TMTC2: variants seen among roughly 807,000 people sequenced by gnomAD.
TMTC2 encodes the protein protein O-mannosyl-transferase TMTC2.
TMTC2 carries 43 observed loss-of-function variants against 82.4 expected under a neutral mutation model. That is an observed-to-expected ratio of 0.52 (90% CI 0.41 to 0.67). The LOEUF is 0.67. Among genes scored for constraint, TMTC2 ranks in the 30% least tolerant of loss-of-function variants. The pLI, the probability that TMTC2 is intolerant of heterozygous loss-of-function variation, is 0.00. For missense variants in TMTC2, 919 were observed against 1,012.4 expected (o/e 0.91, Z 1.25); for synonymous variants, 408 against 381.9 (o/e 1.07, Z -0.80).
intron 4 of TMTC2, among the ~76,000 whole-genome samples, chr12:82,937,771 T>TACATATATAC (rs1565818353): frequency 4.2e-5 from 1 of 24,018 alleles, no homozygotes; most frequent in Non-Finnish European, 9.0e-5. Flanking sequence ...TATATATATA[T>TACATATATAC]ATATATATAT....
intron 8 of TMTC2, among the ~76,000 whole-genome samples, chr12:83,028,338 AT>A (rs957365284): frequency 6.6e-6 from 1 of 152,160 alleles, no homozygotes; most frequent in African/African-American, 2.4e-5. Context: ...AATTAAGACT[AT>A]TTTAAAGTAG....
intron 8 of TMTC2, among the ~76,000 whole-genome samples, chr12:82,991,557 G>C (rs1336295434): frequency 6.6e-6 from 1 of 152,096 alleles, no homozygotes; most frequent in Non-Finnish European, 1.5e-5. Context: ...TTGTATTAGA[G>C]TCATTGTAGC....
intron 1 of TMTC2, among the ~76,000 whole-genome samples, chr12:82,738,374 C>T (rs897960564): frequency 6.6e-6 from 1 of 152,074 alleles, no homozygotes; most frequent in Non-Finnish European, 1.5e-5. Context: ...CTTATTAGGA[C>T]ATTTCTTATT....
At chr12:83,056,579 A>T (rs1252929432) in intron 10 of TMTC2, among the ~76,000 whole-genome samples, 1 of 151,916 alleles carries the variant, frequency 6.6e-6, no homozygotes, top group Non-Finnish European at 1.5e-5. Flanking sequence ...AACAGAATCA[A>T]ATTGTTTTCA....
chr12:82,744,914 A>G (rs1409541630), intron 1 of TMTC2, among the ~76,000 whole-genome samples: 1 of 152,200 alleles, frequency 6.6e-6, no homozygotes, highest in Admixed American at 6.5e-5. Context: ...TTTCAAGTTA[A>G]TGAAACTACT....
At chr12:82,864,496 C>CTTTTTT (rs775559477) in intron 2 of TMTC2, among the ~76,000 whole-genome samples, 7 of 107,818 alleles carry the variant, frequency 6.5e-5, no homozygotes, top group African/African-American at 1.6e-4. Flanking sequence ...ATGTCACATT[C>CTTTTTT]TTTTTTTTTT....
At chr12:83,096,534 A>G (rs971773474) in intron 11 of TMTC2, among the ~76,000 whole-genome samples, 5 of 152,208 alleles carry the variant, frequency 3.3e-5, no homozygotes, top group Non-Finnish European at 7.3e-5. Flanking sequence ...AGGCTTCACA[A>G]TCATGGCAGA....
At chr12:82,934,687 G>A (rs1427788639) in intron 4 of TMTC2, among the ~76,000 whole-genome samples, 8 of 152,110 alleles carry the variant, frequency 5.3e-5, no homozygotes, top group African/African-American at 1.4e-4. Context: ...TGCAATAAAC[G>A]TATTTGTGCA....
intron 1 of TMTC2, among the ~76,000 whole-genome samples, chr12:82,807,518 C>T (rs1481021877): frequency 6.6e-6 from 1 of 152,028 alleles, no homozygotes; most frequent in Non-Finnish European, 1.5e-5. Context: ...CAAATATGGA[C>T]TTAGAAGCAT....
intron 1 of TMTC2, among the ~76,000 whole-genome samples, chr12:82,724,116 C>G (rs542972324): frequency 5.9e-5 from 9 of 152,318 alleles, no homozygotes; most frequent in Admixed American, 1.3e-4. Context: ...CTCTCTGACA[C>G]AGCTCACGTT....
chr12:82,934,665 T>C (rs1372738690), intron 4 of TMTC2, among the ~76,000 whole-genome samples: 1 of 152,206 alleles, frequency 6.6e-6, no homozygotes, highest in Non-Finnish European at 1.5e-5. Context: ...TCTTTGCTAT[T>C]GTGAACACTG....
At chr12:82,773,681 G>A (rs1479706840) in intron 1 of TMTC2, among the ~76,000 whole-genome samples, 8 of 151,864 alleles carry the variant, frequency 5.3e-5, no homozygotes, top group East Asian at 1.9e-4. Flanking sequence ...GGCTGCTCTC[G>A]AACTCCTGAC....
intron 1 of TMTC2, among the ~76,000 whole-genome samples, chr12:82,778,730 T>G (rs1877727071): frequency 6.7e-6 from 1 of 149,910 alleles, no homozygotes; most frequent in African/African-American, 2.4e-5. Flanking sequence ...GCGCCTGTAG[T>G]CCCAGCTACT....
At chr12:82,722,065 C>G (rs960596176) in intron 1 of TMTC2, among the ~76,000 whole-genome samples, 4 of 152,112 alleles carry the variant, frequency 2.6e-5, no homozygotes, top group African/African-American at 7.2e-5. Flanking sequence ...AGGTTTTATT[C>G]TGTGTGTATT....
chr12:82,776,939 C>T (rs73356389), intron 1 of TMTC2, among the ~76,000 whole-genome samples: 2,265 of 152,224 alleles, frequency 0.015, 57 homozygotes, highest in African/African-American at 0.052. Flanking sequence ...ATCTCTAAAA[C>T]ATAAACAAAT....
chr12:82,846,672 G>T (rs887839900), intron 1 of TMTC2, among the ~76,000 whole-genome samples: 14 of 152,132 alleles, frequency 9.2e-5, no homozygotes, highest in African/African-American at 3.4e-4. Context: ...GGAAGACTTA[G>T]CATTCGTAGA....
intron 4 of TMTC2, among the ~76,000 whole-genome samples, chr12:82,932,963 G>A (rs1876123900): frequency 6.6e-6 from 1 of 152,144 alleles, no homozygotes. Flanking sequence ...GTCTGTGGAT[G>A]CATATATAAG....
In TMTC2 at chr12:82,876,063, GTGGTGA is replaced by G. The variant is rs1323352394; in HGVS notation, c.654+18486_654+18491del. On this transcript the variant is annotated intron_variant, in intron 2 of 11. Coordinates refer to ENST00000321196, the MANE Select transcript of TMTC2 (RefSeq NM_152588.3). ...GGTGGTGGTGGTGGTGGTGGTGGTG[GTGGTGA>G]TGATGATGATGGTGATTAGTATTCA... Among the ~76,000 whole-genome samples the G allele has an allele frequency of 1.2e-3, 139 of 112,656 alleles. 2 individuals carry two copies. Among genetic ancestry groups the G allele is most frequent in the East Asian group, 2.8e-3 (13 of 4,662 alleles). 73.9% of individuals were successfully genotyped at this position (112,656 alleles called of 152,430 possible).
rs35463879 is a variant in TMTC2, at chr12:83,116,780, A to AT, written c.2332-15421dup. Among the ~76,000 whole-genome samples, 386 of 150,280 alleles carry AT rather than the reference A, an allele frequency of 2.6e-3. 4 individuals carry two copies. Among genetic ancestry groups the AT allele is most frequent in the Non-Finnish European group, 3.5e-3 (239 of 67,452 alleles). On this transcript the variant is annotated intron_variant, in intron 11 of 11. Coordinates refer to ENST00000321196, the MANE Select transcript of TMTC2 (RefSeq NM_152588.3). ...TGTCCTTAGCCCACTTTTTGATGGG[A>AT]TTTTTTTTTCTTACTCACTTGTTTG...
Sources: gnomAD v4.1 joint callset for allele counts (sites outside exome capture counted in the v4.1 genomes callset) on GRCh38, gnomAD v4.1.1 for gene constraint, MANE v1.5 for transcripts, NCBI Gene and HGNC (gene_info 2026-07-23, HGNC 2026-07-21) for gene names.